The following EPS15 variants were observed in gnomAD, a reference collection of about 807,000 sequenced individuals.
EPS15 encodes the protein epidermal growth factor receptor pathway substrate 15.
Under a neutral mutation model 113.8 loss-of-function variants are expected in EPS15, and 72 were observed. That is an observed-to-expected ratio of 0.63 (90% CI 0.52 to 0.77). The LOEUF is 0.77. EPS15 is among the 30% of genes least tolerant of loss of function. The pLI is 0.00. For missense variants in EPS15, 1,048 were observed against 1,045.8 expected (o/e 1.00, Z -0.03); for synonymous variants, 344 against 363.4 (o/e 0.95, Z 0.61).
chr1:51,358,699 G>GTTTTTTTTTTT (rs1181151202), intron 24 of EPS15, among the ~76,000 whole-genome samples: 100 of 129,322 alleles, frequency 7.7e-4, no homozygotes, highest in African/African-American at 2.8e-3. Context: ...AACCAGATTT[G>GTTTTTTTTTTT]TTTTTTTTTG....
intron 21 of EPS15, among the ~76,000 whole-genome samples, chr1:51,392,480 G>A (rs143486512): frequency 2.0e-5 from 3 of 152,198 alleles, no homozygotes; most frequent in African/African-American, 7.2e-5. Context: ...TTAGGAACTG[G>A]AATTTAAGCA....
At position 51,461,220 on chromosome 1, in the gene EPS15, G is replaced by A. The variant is rs974002740; in HGVS notation, c.502-70C>T. The A allele has an allele frequency of 1.9e-5, 22 of 1,137,232 alleles. No individual in the cohort carries two copies. In the East Asian group the frequency reaches 3.8e-4, roughly 20 times the overall value. 70.4% of individuals were successfully genotyped at this position (1,137,232 alleles called of 1,614,324 possible). A position where few individuals can be genotyped will look rare whatever the true frequency, so the allele number is the denominator to read the frequency against. On this transcript the variant is annotated intron_variant, in intron 7 of 24. Transcript: ENST00000371733. ...CATGTTCTACTCGAGGGCAAGAAAA[G>A]AAAGTTTATGAGCTAGGAATGGTGG...
In EPS15 at chr1:51,409,676, T is replaced by A. The variant is rs748537882; in HGVS notation, c.1134A>T (p.Gln378His). 3.1e-6 allele frequency: 5 copies of A among 1,608,812 alleles called. No individual in the cohort carries two copies. The highest frequency in any genetic ancestry group is 3.3e-4 in the Middle Eastern group (2 of 6,056). The change falls in exon 14 of 25, where the codon CAA (glutamine) becomes CAT (histidine). Residue 378 changes from glutamine (Q) to histidine (H), a missense_variant. Gln to His is a conservative substitution (Grantham distance 24). Coordinates refer to ENST00000371733, the MANE Select transcript of EPS15 (RefSeq NM_001981.3). ...SEVQDLQDEV[Q>H]RENTNLQKLQ... ...GTTTTTGCAGATTAGTATTCTCCCT[T>A]TGAACTTCATCTTGAAGATCCTAAA...
chr1:51,474,813 T>C (rs1325136324), intron 2 of EPS15, among the ~76,000 whole-genome samples: 2 of 151,100 alleles, frequency 1.3e-5, no homozygotes, highest in Non-Finnish European at 3.0e-5. Flanking sequence ...GTATATCTCC[T>C]AATGCTATCC....
intron 5 of EPS15, 101 bp from the exon 6 acceptor site, chr1:51,465,427 T>C (rs1359412924): frequency 1.5e-6 from 1 of 660,920 alleles, no homozygotes; most frequent in Admixed American, 2.6e-5. Flanking sequence ...CACAAAATGC[T>C]GGATCTCAAT....
chr1:51,484,949 T>C (rs72691873), intron 1 of EPS15, among the ~76,000 whole-genome samples: 1 of 152,368 alleles, frequency 6.6e-6, no homozygotes, highest in East Asian at 1.9e-4. Flanking sequence ...ATTGTACAAG[T>C]CTACAACTGT....
intron 21 of EPS15, among the ~76,000 whole-genome samples, chr1:51,389,270 C>G (rs1289119294): frequency 3.9e-5 from 6 of 152,054 alleles, no homozygotes; most frequent in South Asian, 2.1e-4. Context: ...ATTCAACAAC[C>G]CTTCATGCTA....
chr1:51,442,105 T>A (rs981215954), intron 11 of EPS15, among the ~76,000 whole-genome samples: 2 of 152,144 alleles, frequency 1.3e-5, no homozygotes, highest in Admixed American at 6.5e-5. Context: ...TGTGTTCCAC[T>A]GATACACAAA....
At chr1:51,434,095 T>C (rs767526608) in intron 12 of EPS15, among the ~76,000 whole-genome samples, 2 of 152,228 alleles carry the variant, frequency 1.3e-5, no homozygotes, top group Non-Finnish European at 2.9e-5. Flanking sequence ...TCTTTTTTTC[T>C]GTGGGCAGGG....
intron 4 of EPS15, 54 bp downstream of exon 4, chr1:51,471,636 A>AT: frequency 7.3e-7 from 1 of 1,375,854 alleles, no homozygotes; most frequent in Non-Finnish European, 1.0e-6. Context: ...CCTGCTGGCT[A>AT]TTTTTTATTT....
chr1:51,435,891 C>T (rs913921146), intron 12 of EPS15, among the ~76,000 whole-genome samples: 2 of 152,082 alleles, frequency 1.3e-5, no homozygotes, highest in Non-Finnish European at 2.9e-5. Flanking sequence ...ATATTTAAGA[C>T]GGGTCTTGAA....
At chr1:51,508,743 T>C (rs1255170939) in intron 1 of EPS15, among the ~76,000 whole-genome samples, 1 of 152,130 alleles carries the variant, frequency 6.6e-6, no homozygotes, top group Non-Finnish European at 1.5e-5. Context: ...CCCCTTCCTA[T>C]GCTCTATGGT....
At chr1:51,490,387 A>C in intron 1 of EPS15, 1 of 363,408 alleles carries the variant, frequency 2.8e-6, no homozygotes, top group South Asian at 1.9e-5. Flanking sequence ...ATCATGGTGA[A>C]ACCCCATCTC....
intron 6 of EPS15, among the ~76,000 whole-genome samples, 200 bp from the exon 7 acceptor site, chr1:51,463,998 T>C (rs1178000757): frequency 6.6e-6 from 1 of 152,222 alleles, no homozygotes; most frequent in African/African-American, 2.4e-5. Context: ...AATTTCAAAG[T>C]GACTTTACCC....
At chr1:51,357,439 A>T (rs868332903) in intron 24 of EPS15, among the ~76,000 whole-genome samples, 2,880 of 82,298 alleles carry the variant, frequency 0.035, 215 homozygotes, top group African/African-American at 0.15. Context: ...TTTTTTTTTT[A>T]AATGTGATAT....
At chr1:51,375,474 T>C (rs746138356) in intron 21 of EPS15, among the ~76,000 whole-genome samples, 6 of 152,158 alleles carry the variant, frequency 3.9e-5, no homozygotes, top group African/African-American at 7.2e-5. Context: ...TTCTACCTAG[T>C]GGAAGAAAAT....
intron 8 of EPS15, among the ~76,000 whole-genome samples, chr1:51,451,920 TG>T (rs1461975071): frequency 1.3e-5 from 2 of 152,116 alleles, no homozygotes; most frequent in African/African-American, 2.4e-5. Flanking sequence ...TTGGTTGGTT[TG>T]TTTTTTGCCC....
chr1:51,372,768 G>T, intron 21 of EPS15: 1 of 417,220 alleles, frequency 2.4e-6, no homozygotes, highest in Non-Finnish European at 4.6e-6. Context: ...TGAGGCAGCT[G>T]GAGCTGAACA....
At chr1:51,468,796 T>C (rs1179437578) in intron 4 of EPS15, among the ~76,000 whole-genome samples, 4 of 152,174 alleles carry the variant, frequency 2.6e-5, no homozygotes, top group African/African-American at 4.8e-5. Context: ...GGAAAATACA[T>C]ACAGATAGTG....
Sources: allele counts gnomAD v4.1 joint callset (sites outside exome capture counted in the v4.1 genomes callset), GRCh38; gene constraint gnomAD v4.1.1; transcripts MANE v1.5; gene names NCBI Gene and HGNC (gene_info 2026-07-23, HGNC 2026-07-21).